Variants in OPCML observed in about 807,000 individuals in gnomAD.
OPCML encodes opioid-binding protein/cell adhesion molecule.
OPCML carries 13 observed loss-of-function variants against 37.8 expected under a neutral mutation model. That is an observed-to-expected ratio of 0.34 (90% CI 0.22 to 0.55). The LOEUF (loss-of-function observed/expected upper bound fraction) is 0.55, where lower values mean the gene tolerates loss of function less well. OPCML is among the 20% of genes least tolerant of loss of function. The pLI is 0.91. For synonymous variants in OPCML, 176 were observed against 168.8 expected, an observed-to-expected ratio of 1.04 and a Z score of -0.33; for missense variants, 341 against 435.6, an observed-to-expected ratio of 0.78 and a Z score of 1.93.
chr11:133,141,787 C>T (rs1475422791), intron 1 of OPCML, among the ~76,000 whole-genome samples: 1 of 152,204 alleles, frequency 6.6e-6, no homozygotes, highest in Non-Finnish European at 1.5e-5. Flanking sequence ...CTTAACAATA[C>T]TATTTAACCA....
In OPCML at chr11:132,783,533, A is replaced by T. The variant is rs541310430; in HGVS notation, c.147-126214T>A. ...TTCTTAAATAAGTTAATGTCTATCA[A>T]CTAATACTTTTTGGAGTTTCCTTTC... is the stretch of plus-strand genomic sequence containing the variant. On this transcript the variant is annotated intron_variant, in intron 2 of 7. Coordinates refer to ENST00000524381, the MANE Select transcript of OPCML (RefSeq NM_001012393.5). Among the ~76,000 whole-genome samples, 44 of 152,318 alleles carry T rather than the reference A, an allele frequency of 2.9e-4. No homozygotes were observed. The East Asian group carries it at 6.4e-3, about 22-fold the overall frequency.
Position 132,529,308 on chromosome 11 carries a change from T to C in OPCML, c.380-122A>G, listed in dbSNP as rs953224564. 6.2e-5 allele frequency: 78 copies of C among 1,252,516 alleles called. 1 individual carries two copies. In the Admixed American group the frequency reaches 2.2e-3, roughly 35 times the overall value. 77.6% of individuals were successfully genotyped at this position (1,252,516 alleles called of 1,614,324 possible). A position where few individuals can be genotyped will look rare whatever the true frequency, so the allele number is the denominator to read the frequency against. ...ATAAATATTGTTTGCAGTAATAAATTTCAAGTTGCTTGATTTGCCAAGGAT... is the reference window on the plus strand; with the variant it reads ...ATAAATATTGTTTGCAGTAATAAATCTCAAGTTGCTTGATTTGCCAAGGAT... On this transcript the variant is annotated intron_variant, in intron 3 of 7. Coordinates refer to ENST00000524381, the MANE Select transcript of OPCML (RefSeq NM_001012393.5).
chr11:132,436,354 C>T lies in OPCML; in HGVS notation c.765-117G>A. The T allele has an allele frequency of 1.9e-6, 3 of 1,579,522 alleles. No homozygotes were observed. The South Asian group carries it at 3.5e-5, about 18-fold the overall frequency. ...ACTCAAACCCTAAGCACTTCAGTGT[C>T]CAACAGGAGGAGAAGGGAAATGATG... On this transcript the variant is annotated intron_variant, in intron 6 of 7. Coordinates refer to ENST00000524381, the MANE Select transcript of OPCML (RefSeq NM_001012393.5).
At chr11:133,147,451 G>C (rs1007006565) in intron 1 of OPCML, among the ~76,000 whole-genome samples, 1 of 152,112 alleles carries the variant, frequency 6.6e-6, no homozygotes, top group Non-Finnish European at 1.5e-5. Context: ...AGCCCTACCC[G>C]CTTCAAAACA....
At chr11:133,022,887 G>A (rs574867403) in intron 1 of OPCML, among the ~76,000 whole-genome samples, 1 of 152,304 alleles carries the variant, frequency 6.6e-6, no homozygotes, top group South Asian at 2.1e-4. Flanking sequence ...GGAAACAGGA[G>A]CATTGGAGAG....
chr11:133,402,946 A>G (rs752976742), intron 1 of OPCML, among the ~76,000 whole-genome samples: 6 of 152,202 alleles, frequency 3.9e-5, no homozygotes, highest in Non-Finnish European at 5.9e-5. Flanking sequence ...TGGAATATGA[A>G]TCCAGGAAAA....
chr11:133,003,386 T>G (rs1246265260), intron 1 of OPCML, among the ~76,000 whole-genome samples: 1 of 152,072 alleles, frequency 6.6e-6, no homozygotes, highest in East Asian at 1.9e-4. Context: ...TCTCCAACCT[T>G]CCAGATCAGC....
rs141840320 is a variant in OPCML at position 132,437,286 on chromosome 11, G to T, written c.579C>A (p.Tyr193Ter). 1 of 1,614,184 alleles carries T rather than the reference G, an allele frequency of 6.2e-7. No individual in the cohort carries two copies. The highest frequency in any genetic ancestry group is 1.7e-5 in the Admixed American group (1 of 60,026). The change falls in exon 5 of 8, where the codon TAC becomes TAA. Residue 193 changes from tyrosine (Y) to a stop codon, truncating the protein, a stop_gained. Transcript: ENST00000524381. LOFTEE classifies it high-confidence loss of function. The stretch of plus-strand genomic sequence containing the variant: ...CGACATCGTTCAACGCGCTGCATTC[G>T]TACTCCCCGGACTGGTCTCGCTTGA... ...SDIKRDQSGE[Y>*]ECSALNDVAA...
chr11:133,423,793 T>A (rs1363931630), intron 1 of OPCML, among the ~76,000 whole-genome samples: 1 of 152,146 alleles, frequency 6.6e-6, no homozygotes, highest in Admixed American at 6.5e-5. Context: ...TGGCTTGGCA[T>A]GCTCTCCACA....
chr11:133,418,373 T>C, intron 1 of OPCML: 1 of 985,418 alleles, frequency 1.0e-6, no homozygotes, highest in South Asian at 4.7e-5. Context: ...TCAAGAACTA[T>C]TTCAGAAGCC....
chr11:133,172,161 C>G (rs1291237096), intron 1 of OPCML, among the ~76,000 whole-genome samples: 1 of 152,150 alleles, frequency 6.6e-6, no homozygotes, highest in African/African-American at 2.4e-5. Flanking sequence ...TAGACTCATT[C>G]ATTCAGTAGT....
chr11:133,079,097 T>C (rs1362107584), intron 1 of OPCML, among the ~76,000 whole-genome samples: 1 of 152,140 alleles, frequency 6.6e-6, no homozygotes, highest in Non-Finnish European at 1.5e-5. Context: ...GTTTTCCACA[T>C]ACACGCCCGC....
intron 2 of OPCML, among the ~76,000 whole-genome samples, chr11:132,864,098 T>C (rs1565919713): frequency 6.6e-6 from 1 of 151,994 alleles, no homozygotes; most frequent in East Asian, 1.9e-4. Context: ...CCACCAAGCC[T>C]GGCTAATTTT....
At chr11:132,445,199 G>A (rs1377137799) in intron 4 of OPCML, among the ~76,000 whole-genome samples, 1 of 152,248 alleles carries the variant, frequency 6.6e-6, no homozygotes, top group Non-Finnish European at 1.5e-5. Flanking sequence ...TGTGCTTCCA[G>A]TGGGGGAAGG....
intron 2 of OPCML, among the ~76,000 whole-genome samples, chr11:132,834,306 A>G (rs746417202): frequency 2.0e-5 from 3 of 152,174 alleles, no homozygotes; most frequent in Non-Finnish European, 2.9e-5. Context: ...CATTAATATT[A>G]TTGAAAACAG....
chr11:132,578,060 T>C (rs2096454704), intron 3 of OPCML, among the ~76,000 whole-genome samples: 1 of 152,222 alleles, frequency 6.6e-6, no homozygotes, highest in Non-Finnish European at 1.5e-5. Context: ...ATTGTTATTT[T>C]GCCCTGTCTT....
At chr11:132,923,036 T>C (rs1466687584) in intron 2 of OPCML, among the ~76,000 whole-genome samples, 1 of 151,688 alleles carries the variant, frequency 6.6e-6, no homozygotes, top group Admixed American at 6.6e-5. Context: ...ATTGCACCAC[T>C]GCACTCCAGC....
intron 2 of OPCML, among the ~76,000 whole-genome samples, chr11:132,787,572 G>A (rs963209449): frequency 1.4e-4 from 22 of 151,938 alleles, no homozygotes; most frequent in Admixed American, 5.2e-4. Context: ...AAAAAAAAAA[G>A]AGTACTTTGA....
At chr11:132,807,221 T>C (rs1485695471) in intron 2 of OPCML, among the ~76,000 whole-genome samples, 1 of 151,964 alleles carries the variant, frequency 6.6e-6, no homozygotes, top group Non-Finnish European at 1.5e-5. Flanking sequence ...AAAACCTACG[T>C]CTCAAACTTG....
Sources: gnomAD v4.1 joint callset for allele counts (sites outside exome capture counted in the v4.1 genomes callset) on GRCh38, gnomAD v4.1.1 for gene constraint, MANE v1.5 for transcripts, NCBI Gene and HGNC (gene_info 2026-07-23, HGNC 2026-07-21) for gene names.